LHX4: variants seen among roughly 807,000 people sequenced by gnomAD.
LHX4 encodes LIM homeobox 4.
LHX4 carries 16 observed loss-of-function variants against 39.2 expected under a neutral mutation model. The ratio of observed to expected loss-of-function variants is 0.41; its 90% CI spans 0.28 to 0.62. The LOEUF is 0.62. Ranked by LOEUF, LHX4 falls within the 20% of genes least tolerant of loss-of-function variation. LHX4 has a pLI of 0.33. For synonymous variants in LHX4, 206 were observed against 198.1 expected, an observed-to-expected ratio of 1.04 and a Z score of -0.33; for missense variants, 439 against 511.9, an observed-to-expected ratio of 0.86 and a Z score of 1.37.
At position 180,266,704 on chromosome 1, in the gene LHX4, T is replaced by C. The variant is rs1290394231; in HGVS notation, c.451+110T>C. ...CCCACCTGCCCATCCCTCAGAGCCC[T>C]ACTCATGCACCGCCACCTCTGAGAA... On this transcript the variant is annotated intron_variant, in intron 3 of 5. Transcript: ENST00000263726. The surrounding 1 kb of genome is among the most constrained non-coding windows in gnomAD (Gnocchi z 5.7). 1.9e-6 allele frequency: 2 copies of C among 1,064,448 alleles called. No homozygotes were observed. Among genetic ancestry groups the C allele is most frequent in the Non-Finnish European group, 2.8e-6 (2 of 711,146 alleles). 65.9% of individuals were successfully genotyped at this position (1,064,448 alleles called of 1,614,324 possible).
At chr1:180,257,919 T>G (rs1403801777) in intron 2 of LHX4, among the ~76,000 whole-genome samples, 1 of 152,130 alleles carries the variant, frequency 6.6e-6, no homozygotes, top group African/African-American at 2.4e-5. Flanking sequence ...GTCTGTGAGG[T>G]CTGGGGCAGT....
At chr1:180,229,717 G>A (rs1416522544), upstream of LHX4, among the ~76,000 whole-genome samples, 2 of 151,838 alleles carry the variant, frequency 1.3e-5, no homozygotes, top group Non-Finnish European at 2.9e-5. Flanking sequence ...AAGACACAGC[G>A]ACGCAGCCCC....
At chr1:180,255,122 C>T (rs980470279) in intron 2 of LHX4, among the ~76,000 whole-genome samples, 7 of 152,234 alleles carry the variant, frequency 4.6e-5, no homozygotes, top group Admixed American at 6.5e-5. Flanking sequence ...CATCAAAGAG[C>T]GGGGCCAGCC....
chr1:180,252,457 C>A (rs1437475841), intron 2 of LHX4, among the ~76,000 whole-genome samples: 2 of 152,158 alleles, frequency 1.3e-5, no homozygotes, highest in African/African-American at 4.8e-5. Context: ...TTCCACGCTC[C>A]TTGAAGAAAA....
In LHX4 at chr1:180,232,818, GT is replaced by G. The variant is rs1339261652; in HGVS notation, c.76+2214del. ...ATTAGTTTTCTTGGGACTGGGCCCAGTGGCCTAAGAAGGGGGGAAGCTCGAG... is the reference window on the plus strand; with the variant it reads ...ATTAGTTTTCTTGGGACTGGGCCCAGGGCCTAAGAAGGGGGGAAGCTCGAG... On this transcript the variant is annotated intron_variant, in intron 1 of 5. Coordinates refer to ENST00000263726, the MANE Select transcript of LHX4 (RefSeq NM_033343.4). The surrounding 1 kb of genome is among the most constrained non-coding windows in gnomAD (Gnocchi z 5.4). 1.3e-5 allele frequency among the ~76,000 whole-genome samples: 2 copies of G among 152,250 alleles called. No homozygotes were observed. The highest frequency in any genetic ancestry group is 2.9e-5 in the Non-Finnish European group (2 of 68,042).
intron 1 of LHX4, among the ~76,000 whole-genome samples, chr1:180,235,160 G>A (rs912138152): frequency 6.6e-6 from 1 of 152,250 alleles, no homozygotes; most frequent in Non-Finnish European, 1.5e-5. Context: ...GACAAGGGAG[G>A]GACCGCCTCT....
chr1:180,265,323 T>G (rs3911332), intron 2 of LHX4, among the ~76,000 whole-genome samples: 1 of 152,090 alleles, frequency 6.6e-6, no homozygotes, highest in African/African-American at 2.4e-5. Flanking sequence ...TGCCCTTGCT[T>G]TCCCAATGCC....
Position 180,266,386 on chromosome 1 carries a change from T to C in LHX4, c.249-6T>C. The C allele has an allele frequency of 6.2e-7, 1 of 1,614,050 alleles. No individual in the cohort carries two copies. Among genetic ancestry groups the C allele is most frequent in the Non-Finnish European group, 8.5e-7 (1 of 1,179,980 alleles). Reference sequence around the variant, plus strand: ...GTGCCCTAATCCTTTCCTGCTGCCCTGACAGGCGCTTCGGCACAAAATGCA... The same window carrying C: ...GTGCCCTAATCCTTTCCTGCTGCCCCGACAGGCGCTTCGGCACAAAATGCA... On this transcript the variant is annotated splice_region_variant and splice_polypyrimidine_tract_variant and intron_variant, in intron 2 of 5. Transcript: ENST00000263726. This position sits in a 1 kb window ranked among gnomAD's most constrained non-coding sequence, Gnocchi z 5.7.
chr1:180,273,629 G>A (rs1648827894), intron 5 of LHX4: 1 of 153,344 alleles, frequency 6.5e-6, no homozygotes, highest in South Asian at 2.0e-4. Context: ...TGTCCCCAGT[G>A]AAGAGCTTAT....
rs966401358 is a variant in LHX4 at position 180,234,222 on chromosome 1, A to G, written c.76+3617A>G. ...ATATATATATATATATATATATATA[A>G]TAGATTGAGATTCTATCATATTCCG... is the stretch of plus-strand genomic sequence containing the variant. On this transcript the variant is annotated intron_variant, in intron 1 of 5. Transcript: ENST00000263726. This position sits in a 1 kb window ranked among gnomAD's most constrained non-coding sequence, Gnocchi z 4.8. 1.1e-4 allele frequency among the ~76,000 whole-genome samples: 8 copies of G among 74,744 alleles called. No individual in the cohort carries two copies. The highest frequency in any genetic ancestry group is 1.9e-4 in the Non-Finnish European group (8 of 41,216). 49.0% of individuals were successfully genotyped at this position (74,744 alleles called of 152,430 possible).
intron 2 of LHX4, among the ~76,000 whole-genome samples, chr1:180,264,912 GGT>G (rs1648252095): frequency 6.6e-6 from 1 of 152,112 alleles, no homozygotes; most frequent in Admixed American, 6.5e-5. Context: ...GTACACTCTG[GGT>G]CTTTCAGGAT....
intron 2 of LHX4, among the ~76,000 whole-genome samples, chr1:180,254,923 G>A (rs1397926501): frequency 6.6e-6 from 1 of 152,210 alleles, no homozygotes; most frequent in Non-Finnish European, 1.5e-5. Context: ...GGAGGGCCTG[G>A]GACCAGGCTG....
intron 2 of LHX4, among the ~76,000 whole-genome samples, chr1:180,263,478 C>T (rs540473380): frequency 8.3e-5 from 9 of 108,604 alleles, no homozygotes; most frequent in African/African-American, 2.5e-4. Flanking sequence ...GCCGGGGGAG[C>T]CTTGTGGGCC....
At chr1:180,260,212 G>C (rs1648054007) in intron 2 of LHX4, among the ~76,000 whole-genome samples, 1 of 151,762 alleles carries the variant, frequency 6.6e-6, no homozygotes, top group Admixed American at 6.5e-5. Context: ...ACAGGACACA[G>C]GTTGGTGCTA....
intron 2 of LHX4, among the ~76,000 whole-genome samples, chr1:180,258,812 A>AATTG (rs1647980134): frequency 6.6e-6 from 1 of 151,368 alleles, no homozygotes; most frequent in African/African-American, 2.4e-5. Context: ...TCCAAATAAT[A>AATTG]ATAGTAATAA....
Position 180,271,912 on chromosome 1 carries a change from T to C in LHX4, c.684T>C (p.Tyr228=). The C allele has an allele frequency of 6.2e-7, 1 of 1,613,458 alleles. No homozygotes were observed. The highest frequency in any genetic ancestry group is 1.7e-4 in the Middle Eastern group (1 of 6,058). ...DAGRHRWGQF[Y]KSVKRSRGSS... ...GGCGGCACCGCTGGGGGCAGTTCTA[T>C]AAGAGCGTCAAGAGGAGCCGGGGCA... Residue 228 remains tyrosine, a synonymous_variant, in exon 5 of 6, where the codon TAT becomes TAC. Coordinates refer to ENST00000263726, the MANE Select transcript of LHX4 (RefSeq NM_033343.4).
At chr1:180,238,897 C>T (rs1239030850) in intron 1 of LHX4, among the ~76,000 whole-genome samples, 1 of 152,136 alleles carries the variant, frequency 6.6e-6, no homozygotes, top group Admixed American at 6.5e-5. Context: ...TCAGGTTTTC[C>T]CTGCGTGGGG....
At chr1:180,230,249 A>AAG (rs138033992), upstream of LHX4, 201,889 of 493,954 alleles carry the variant, frequency 0.41, 42,686 homozygotes, top group African/African-American at 0.45. This position sits in a 1 kb window ranked among gnomAD's most constrained non-coding sequence, Gnocchi z 5.8. Flanking sequence ...CGGGGGAGGG[A>AAG]AGAGGAAAAA....
chr1:180,262,088 T>G (rs147436145), intron 2 of LHX4, among the ~76,000 whole-genome samples: 1 of 152,290 alleles, frequency 6.6e-6, no homozygotes, highest in African/African-American at 2.4e-5. Context: ...TAGCATTCCA[T>G]GCAAAATGGT....
Sources: allele counts gnomAD v4.1 joint callset (sites outside exome capture counted in the v4.1 genomes callset), GRCh38; gene constraint gnomAD v4.1.1; non-coding constraint Gnocchi (gnomAD v3.1); transcripts MANE v1.5; gene names NCBI Gene and HGNC (gene_info 2026-07-23, HGNC 2026-07-21).